GABRB1: variants seen among roughly 807,000 people sequenced by gnomAD.
GABRB1 encodes gamma-aminobutyric acid type A receptor subunit beta1.
GABRB1 carries 17 observed loss-of-function variants against 51.6 expected under a neutral mutation model. The observed-to-expected ratio is 0.33, with a 90% CI of 0.23 to 0.49. The LOEUF is 0.49. Ranked by LOEUF, GABRB1 falls within the 20% of genes least tolerant of loss-of-function variation. GABRB1 has a pLI of 0.99. For missense variants in GABRB1, 410 were observed against 600.6 expected (o/e 0.68, Z 3.32); for synonymous variants, 247 against 218.9 (o/e 1.13, Z -1.14).
chr4:46,996,894 C>T (rs184640288), intron 1 of GABRB1, among the ~76,000 whole-genome samples: 94 of 152,166 alleles, frequency 6.2e-4, no homozygotes, highest in Non-Finnish European at 6.3e-4. Context: ...AAAAATTGAA[C>T]CAATTGTAAC....
At chr4:47,394,453 T>A (rs1284492449) in intron 5 of GABRB1, among the ~76,000 whole-genome samples, 2 of 99,436 alleles carry the variant, frequency 2.0e-5, no homozygotes, top group Non-Finnish European at 4.0e-5. Context: ...AGGATAGTCA[T>A]TCATTTGTGA....
At chr4:47,313,480 T>C (rs1724778606) in intron 4 of GABRB1, among the ~76,000 whole-genome samples, 1 of 152,160 alleles carries the variant, frequency 6.6e-6, no homozygotes, top group African/African-American at 2.4e-5. Context: ...GCAGTCATAT[T>C]AGGCAAGGAG....
At chr4:47,084,293 C>T (rs1727976957) in intron 3 of GABRB1, among the ~76,000 whole-genome samples, 1 of 152,134 alleles carries the variant, frequency 6.6e-6, no homozygotes, top group Admixed American at 6.6e-5. Flanking sequence ...TAGGCTAAGC[C>T]ATTTATTGTC....
intron 5 of GABRB1, among the ~76,000 whole-genome samples, chr4:47,395,072 A>G (rs1457950807): frequency 6.6e-6 from 1 of 152,196 alleles, no homozygotes; most frequent in African/African-American, 2.4e-5. Flanking sequence ...GGCAAGGTTC[A>G]GTGCACCCAG....
intron 4 of GABRB1, among the ~76,000 whole-genome samples, chr4:47,261,280 T>A (rs1231775172): frequency 6.6e-6 from 1 of 152,144 alleles, no homozygotes; most frequent in Admixed American, 6.5e-5. Context: ...GATGACATGA[T>A]TGTATATCTA....
Position 47,088,914 on chromosome 4 carries a change from T to C in GABRB1, c.240+56430T>C, listed in dbSNP as rs556023678. On this transcript the variant is annotated intron_variant, in intron 3 of 8. Coordinates refer to ENST00000295454, the MANE Select transcript of GABRB1 (RefSeq NM_000812.4). ...AAAGAAGAGGCCATATGATTATCAT[T>C]GCTAACCTTTCCTGGACCTATTTTG... Among the ~76,000 whole-genome samples the C allele has an allele frequency of 4.6e-5, 7 of 152,326 alleles. No homozygotes were observed. In the East Asian group the frequency reaches 1.4e-3, roughly 29 times the overall value.
chr4:47,359,210 G>T (rs984568068), intron 5 of GABRB1, among the ~76,000 whole-genome samples: 1 of 152,108 alleles, frequency 6.6e-6, no homozygotes, highest in Admixed American at 6.6e-5. Flanking sequence ...CTCTTGCAAA[G>T]ATTTCAAATC....
chr4:47,124,117 A>G (rs1273210110), intron 3 of GABRB1, among the ~76,000 whole-genome samples: 1 of 149,856 alleles, frequency 6.7e-6, no homozygotes, highest in African/African-American at 2.5e-5. Context: ...GTTTAAACCA[A>G]TTGTTAGAGG....
intron 5 of GABRB1, among the ~76,000 whole-genome samples, chr4:47,382,166 T>G (rs1727620473): frequency 1.3e-5 from 2 of 152,196 alleles, no homozygotes; most frequent in African/African-American, 4.8e-5. Context: ...ACATGAGCCA[T>G]TCTACCAAAC....
chr4:47,302,314 T>A (rs546654951), intron 4 of GABRB1, among the ~76,000 whole-genome samples: 173 of 152,210 alleles, frequency 1.1e-3, no homozygotes, highest in African/African-American at 3.8e-3. Flanking sequence ...TATAGAAAAT[T>A]TGAATGTAAA....
chr4:47,148,747 C>T (rs2109710330), intron 3 of GABRB1, among the ~76,000 whole-genome samples: 1 of 151,686 alleles, frequency 6.6e-6, no homozygotes, highest in South Asian at 2.1e-4. Context: ...GTATCAACCA[C>T]ACACAGAGGA....
chr4:47,176,204 G>A (rs1474539484), intron 4 of GABRB1, among the ~76,000 whole-genome samples: 2 of 152,004 alleles, frequency 1.3e-5, no homozygotes, highest in Non-Finnish European at 2.9e-5. Flanking sequence ...AACGAGCAGA[G>A]TCAGAAAACA....
intron 1 of GABRB1, among the ~76,000 whole-genome samples, chr4:47,024,979 T>C (rs1025716068): frequency 1.7e-4 from 25 of 144,476 alleles, no homozygotes; most frequent in African/African-American, 5.9e-4. Context: ...TCTAGCTAAC[T>C]AATAAAATCT....
intron 3 of GABRB1, among the ~76,000 whole-genome samples, chr4:47,094,771 A>G (rs150456370): frequency 1.3e-5 from 2 of 152,210 alleles, no homozygotes; most frequent in African/African-American, 4.8e-5. Context: ...GTAAAAAAAA[A>G]AAAAAGAAAG....
Position 47,236,957 on chromosome 4 carries a change from C to T in GABRB1, c.461+75488C>T, listed in dbSNP as rs527408244. On this transcript the variant is annotated intron_variant, in intron 4 of 8. Coordinates refer to ENST00000295454, the MANE Select transcript of GABRB1 (RefSeq NM_000812.4). ...ACGTAAGAAATTTCAGAAAACAAAA[C>T]ATATAAAAGGTACAAGTATTGAAAT... Among the ~76,000 whole-genome samples the T allele has an allele frequency of 2.6e-5, 4 of 152,046 alleles. No individual in the cohort carries two copies. The South Asian group carries it at 8.3e-4, about 32-fold the overall frequency.
chr4:47,190,522 C>T (rs142960046), intron 4 of GABRB1, among the ~76,000 whole-genome samples: 5 of 152,226 alleles, frequency 3.3e-5, no homozygotes, highest in African/African-American at 9.6e-5. Flanking sequence ...TTTATCTGTG[C>T]TTTTGAAAGC....
Position 47,094,518 on chromosome 4 carries a change from C to A in GABRB1, c.240+62034C>A, listed in dbSNP as rs562882351. On this transcript the variant is annotated intron_variant, in intron 3 of 8. Transcript: ENST00000295454. ...GATTACAGGCATAAGCCACCGCACC[C>A]AGCCCAAAAAGTTAATTCTTACGTG... Among the ~76,000 whole-genome samples, 547 of 152,058 alleles carry A rather than the reference C, an allele frequency of 3.6e-3. 4 individuals are homozygous for A. Among genetic ancestry groups the A allele is most frequent in the Middle Eastern group, 0.02 (6 of 294 alleles).
chr4:47,257,863 C>T (rs561262662), intron 4 of GABRB1, among the ~76,000 whole-genome samples: 1 of 151,592 alleles, frequency 6.6e-6, no homozygotes, highest in Non-Finnish European at 1.5e-5. Context: ...AGATGGCAAC[C>T]CTTGATTTTC....
intron 4 of GABRB1, among the ~76,000 whole-genome samples, chr4:47,296,253 T>C (rs1362980682): frequency 1.3e-5 from 2 of 152,028 alleles, no homozygotes; most frequent in African/African-American, 2.4e-5. Flanking sequence ...AATTCACACA[T>C]AACAATATTA....
Sources: gnomAD v4.1 joint callset for allele counts (sites outside exome capture counted in the v4.1 genomes callset) on GRCh38, gnomAD v4.1.1 for gene constraint, MANE v1.5 for transcripts, NCBI Gene and HGNC (gene_info 2026-07-23, HGNC 2026-07-21) for gene names.